The following ZBTB44 variants were observed in gnomAD, a reference collection of about 807,000 sequenced individuals.
ZBTB44 encodes the protein zinc finger and BTB domain-containing protein 44.
A neutral mutation model predicts 54.0 loss-of-function variants in ZBTB44; 15 were observed. The observed-to-expected ratio is 0.28, with a 90% confidence interval of 0.19 to 0.43. The LOEUF is 0.43. Ranked by LOEUF, ZBTB44 falls within the 20% of genes least tolerant of loss-of-function variation. The probability of loss-of-function intolerance (pLI) is 1.00; values close to 1 mark genes in which losing one functional copy is unlikely to be tolerated. For missense variants in ZBTB44, 487 were observed against 707.1 expected (o/e 0.69, Z 3.53); for synonymous variants, 230 against 250.1 (o/e 0.92, Z 0.76).
At chr11:130,258,013 T>G (rs1452351411) in intron 2 of ZBTB44, among the ~76,000 whole-genome samples, 1 of 152,218 alleles carries the variant, frequency 6.6e-6, no homozygotes, top group Non-Finnish European at 1.5e-5. Context: ...CTTGATAATT[T>G]ACTCTCAAAA....
Position 130,238,296 on chromosome 11 carries a change from A to T in ZBTB44, c.1267+148T>A, listed in dbSNP as rs1444289138. 4.9e-6 allele frequency: 5 copies of T among 1,027,510 alleles called. No homozygotes were observed. In the Admixed American group the frequency reaches 1.3e-4, roughly 26 times the overall value. The allele number at this position is 1,027,510 out of a possible 1,614,324, so 63.6% of individuals were successfully genotyped here. A position where few individuals can be genotyped will look rare whatever the true frequency, so the allele number is the denominator to read the frequency against. On this transcript the variant is annotated intron_variant, in intron 4 of 7. Coordinates refer to ENST00000357899, the MANE Select transcript of ZBTB44 (RefSeq NM_001301098.2). ...CAGCTTTCTGACACTGCATCATTTCAGCAATAAACCTTAGCTAATCTGTTT... is the reference window on the plus strand; with the variant it reads ...CAGCTTTCTGACACTGCATCATTTCTGCAATAAACCTTAGCTAATCTGTTT...
chr11:130,286,192 TCAC>T (rs1417440800), intron 1 of ZBTB44, among the ~76,000 whole-genome samples: 1 of 151,938 alleles, frequency 6.6e-6, no homozygotes, highest in Non-Finnish European at 1.5e-5. Context: ...AATGAAAAAA[TCAC>T]CAATGGGCCA....
At chr11:130,241,931 C>T (rs1306903592) in intron 2 of ZBTB44, among the ~76,000 whole-genome samples, 3 of 152,118 alleles carry the variant, frequency 2.0e-5, no homozygotes, top group African/African-American at 7.2e-5. Context: ...GGTCTGTTTT[C>T]GGGTTTTCTA....
chr11:130,303,131 T>C (rs1942075259), intron 1 of ZBTB44, among the ~76,000 whole-genome samples: 1 of 152,246 alleles, frequency 6.6e-6, no homozygotes, highest in South Asian at 2.1e-4. Flanking sequence ...AAGGATCAGA[T>C]ACCTAACAGG....
intron 1 of ZBTB44, among the ~76,000 whole-genome samples, chr11:130,297,902 A>C (rs138333160): frequency 6.6e-6 from 1 of 152,234 alleles, no homozygotes; most frequent in Non-Finnish European, 1.5e-5. Flanking sequence ...AAGAGATAAA[A>C]GCATTCTCAA....
chr11:130,305,004 A>G (rs927621764), intron 1 of ZBTB44, among the ~76,000 whole-genome samples: 2 of 152,184 alleles, frequency 1.3e-5, no homozygotes, highest in Admixed American at 6.5e-5. Context: ...TCCCTTTTAC[A>G]ACAGCTGCCA....
chr11:130,271,941 T>TA (rs1489277241), intron 1 of ZBTB44, among the ~76,000 whole-genome samples: 1 of 152,060 alleles, frequency 6.6e-6, no homozygotes, highest in African/African-American at 2.4e-5. Context: ...ATCAAGAGTG[T>TA]ATGAGGAGGC....
intron 1 of ZBTB44, among the ~76,000 whole-genome samples, chr11:130,309,838 G>C (rs565184789): frequency 6.9e-4 from 104 of 150,892 alleles, no homozygotes; most frequent in Non-Finnish European, 1.2e-3. Context: ...GTGGATTGCA[G>C]TGAGCTGAGA....
chr11:130,264,349 GAGAA>G (rs951573645), intron 1 of ZBTB44, among the ~76,000 whole-genome samples: 3 of 152,128 alleles, frequency 2.0e-5, no homozygotes, highest in African/African-American at 7.2e-5. Flanking sequence ...TTGGGGAAGA[GAGAA>G]AGAAAGAAAA....
chr11:130,309,775 C>T (rs759923253), intron 1 of ZBTB44, among the ~76,000 whole-genome samples: 18 of 151,540 alleles, frequency 1.2e-4, no homozygotes, highest in Non-Finnish European at 2.6e-4. Context: ...GCCTGTAATC[C>T]CAGCTACTAG....
At chr11:130,297,448 TTATA>T (rs1215271169) in intron 1 of ZBTB44, among the ~76,000 whole-genome samples, 4 of 152,334 alleles carry the variant, frequency 2.6e-5, no homozygotes, top group East Asian at 1.9e-4. Flanking sequence ...GCAGTTAACT[TTATA>T]TATGTCTTGG....
chr11:130,257,767 A>G (rs1353850335), intron 2 of ZBTB44, among the ~76,000 whole-genome samples: 1 of 152,180 alleles, frequency 6.6e-6, no homozygotes, highest in Non-Finnish European at 1.5e-5. Context: ...GTTCTCCAAT[A>G]TTTTGGACAA....
intron 1 of ZBTB44, among the ~76,000 whole-genome samples, chr11:130,275,581 T>C (rs1363222439): frequency 6.6e-6 from 1 of 152,176 alleles, no homozygotes; most frequent in African/African-American, 2.4e-5. Flanking sequence ...CTTCTCAAAT[T>C]TTTTCCTGCT....
intron 1 of ZBTB44, among the ~76,000 whole-genome samples, chr11:130,303,725 AG>A (rs1320934080): frequency 9.8e-5 from 15 of 152,360 alleles, no homozygotes; most frequent in African/African-American, 3.6e-4. Context: ...AATATCCTGA[AG>A]TAAAAGAATA....
chr11:130,300,091 G>A (rs1377359626), intron 1 of ZBTB44, among the ~76,000 whole-genome samples: 5 of 152,132 alleles, frequency 3.3e-5, no homozygotes, highest in African/African-American at 1.2e-4. Flanking sequence ...CCGATTACAC[G>A]ATGTACTTAG....
intron 7 of ZBTB44, chr11:130,232,983 A>C (rs1953935375): frequency 9.5e-6 from 2 of 211,372 alleles, no homozygotes; most frequent in African/African-American, 4.6e-5. Flanking sequence ...AGCCTGGGCA[A>C]CAGAGTGAGA....
chr11:130,282,925 A>C (rs532597301), intron 1 of ZBTB44, among the ~76,000 whole-genome samples: 1 of 151,702 alleles, frequency 6.6e-6, no homozygotes, highest in South Asian at 2.1e-4. Flanking sequence ...CAATCCTCCC[A>C]TATCAGTCTC....
intron 5 of ZBTB44, among the ~76,000 whole-genome samples, chr11:130,234,686 T>C (rs1954028076): frequency 6.6e-6 from 1 of 152,250 alleles, no homozygotes; most frequent in South Asian, 2.1e-4. Flanking sequence ...AGCTTTGTAT[T>C]ACTAAACTTG....
chr11:130,292,976 T>C (rs888465388), intron 1 of ZBTB44, among the ~76,000 whole-genome samples: 14 of 152,214 alleles, frequency 9.2e-5, no homozygotes, highest in African/African-American at 2.9e-4. Context: ...AGTAAAGGCA[T>C]TTTCCCATGA....
Sources: gnomAD v4.1 joint callset for allele counts (sites outside exome capture counted in the v4.1 genomes callset) on GRCh38, gnomAD v4.1.1 for gene constraint, MANE v1.5 for transcripts, NCBI Gene and HGNC (gene_info 2026-07-23, HGNC 2026-07-21) for gene names.